The following FHIP2B variants were observed in gnomAD, a reference collection of about 807,000 sequenced individuals.
FHIP2B encodes the protein FHF complex subunit HOOK-interacting protein 2B.
Under a neutral mutation model 84.0 loss-of-function variants are expected in FHIP2B, and 72 were observed. The ratio of observed to expected loss-of-function variants is 0.86; its 90% CI spans 0.71 to 1.04. The LOEUF (loss-of-function observed/expected upper bound fraction) is 1.04, where lower values mean the gene tolerates loss of function less well. FHIP2B is among the 50% of genes least tolerant of loss of function. The probability of loss-of-function intolerance (pLI) is 0.00; values close to 1 mark genes in which losing one functional copy is unlikely to be tolerated. For synonymous variants in FHIP2B, 497 were observed against 418.7 expected, an observed-to-expected ratio of 1.19 and a Z score of -2.28; for missense variants, 972 against 968.9, an observed-to-expected ratio of 1.00 and a Z score of -0.04.
chr8:22,090,333 T>C (rs1053931750), intron 1 of FHIP2B, among the ~76,000 whole-genome samples: 5 of 152,156 alleles, frequency 3.3e-5, no homozygotes, highest in Admixed American at 6.5e-5. Flanking sequence ...CCAACCCTCA[T>C]GGGAGCTCCT....
rs199586618 is a variant in FHIP2B, at chr8:22,102,217, C to G, written c.1894C>G (p.Leu632Val). ...GCAGGTGACCTCGGTCCTGTCCCGG[C>G]TTGCCCTCTTCCCCCACCCCCATAT... ...NLQVTSVLSR[L>V]ALFPHPHIHE... The change falls in exon 15 of 17, where the codon CTT (leucine) becomes GTT (valine). Residue 632 changes from leucine to valine, a missense_variant. Physicochemically the swap from Leu to Val is conservative, Grantham distance 32. Coordinates refer to ENST00000289921, the MANE Select transcript of FHIP2B (RefSeq NM_022749.7). 3.2e-5 allele frequency: 52 copies of G among 1,613,532 alleles called. No homozygotes were observed. The African/African-American group carries it at 6.5e-4, about 20-fold the overall frequency.
Position 22,099,792 on chromosome 8 carries a change from G to A in FHIP2B, c.1240G>A (p.Ala414Thr), listed in dbSNP as rs780243916. Reference sequence around the variant, plus strand: ...CCCTGCGCTGCTGCGGGAGGCCGTGGCTTTCCTCCTGGGCACAGACCGGCA... The same window carrying A: ...CCCTGCGCTGCTGCGGGAGGCCGTGACTTTCCTCCTGGGCACAGACCGGCA... ...RSPALLREAV[A>T]FLLGTDRQPE... The change falls in exon 10 of 17, where the codon GCT becomes ACT. Residue 414 changes from alanine to threonine, a missense_variant. Transcript: ENST00000289921. 1 of 1,612,856 alleles carries A rather than the reference G, an allele frequency of 6.2e-7. No homozygotes were observed.
intron 1 of FHIP2B, chr8:22,089,941 C>G: frequency 1.1e-6 from 1 of 913,532 alleles, no homozygotes; most frequent in Non-Finnish European, 1.5e-6. Flanking sequence ...GCTGTGACCC[C>G]TCACAAGCCA....
At chr8:22,095,003 C>T in intron 2 of FHIP2B, 1 of 583,298 alleles carries the variant, frequency 1.7e-6, no homozygotes, top group Non-Finnish European at 2.2e-6. Flanking sequence ...GTCCCTCTCT[C>T]CAAGCTGACA....
chr8:22,100,918 T>C lies in FHIP2B; in HGVS notation c.1562T>C (p.Leu521Pro), dbSNP rs1432676600. 1 of 1,613,954 alleles carries C rather than the reference T, an allele frequency of 6.2e-7. No homozygotes were observed. Among genetic ancestry groups the C allele is most frequent in the Non-Finnish European group, 8.5e-7 (1 of 1,179,892 alleles). The change falls in exon 12 of 17, where the codon CTA (leucine) becomes CCA (proline). Residue 521 changes from leucine to proline, a missense_variant. Coordinates refer to ENST00000289921, the MANE Select transcript of FHIP2B (RefSeq NM_022749.7). Reference sequence around the variant, plus strand: ...TTTCAAACTCCCGCAAAGCCTCGCCTAGCTCCTGCTACCAGTTACGATGGC... The same window carrying C: ...TTTCAAACTCCCGCAAAGCCTCGCCCAGCTCCTGCTACCAGTTACGATGGC... Reference protein sequence around the residue: ...SGFQTPAKPRLAPATSYDGKT... With the variant: ...SGFQTPAKPRPAPATSYDGKT...
At chr8:22,089,686 T>A in intron 1 of FHIP2B, 4 of 1,050,794 alleles carry the variant, frequency 3.8e-6, no homozygotes, top group Non-Finnish European at 5.1e-6. Context: ...GCCTGCCTCC[T>A]TCCTCCGCTC....
At chr8:22,099,145 CA>C in intron 8 of FHIP2B, 89 bp downstream of exon 8, 3 of 1,495,536 alleles carry the variant, frequency 2.0e-6, no homozygotes, top group Non-Finnish European at 2.7e-6. Context: ...GACATGGAAA[CA>C]TGGGGTCCAG....
At chr8:22,094,557 G>A (rs979315886) in intron 2 of FHIP2B, 39 bp downstream of exon 2, 2 of 1,607,678 alleles carry the variant, frequency 1.2e-6, no homozygotes, top group South Asian at 1.1e-5. Flanking sequence ...ACCCTGGAGG[G>A]AGCGGGGAGG....
intron 14 of FHIP2B, 85 bp downstream of exon 14, chr8:22,101,936 C>G: frequency 1.3e-6 from 2 of 1,540,060 alleles, no homozygotes; most frequent in South Asian, 1.2e-5. Context: ...AGGGTTGCCT[C>G]TGCTTCGGTT....
chr8:22,096,170 T>C (rs574671852), intron 2 of FHIP2B, 167 bp from the exon 3 acceptor site: 2 of 636,568 alleles, frequency 3.1e-6, no homozygotes, highest in South Asian at 2.3e-5. Context: ...TTCTTAAATA[T>C]TGAAGCATTC....
intron 1 of FHIP2B, among the ~76,000 whole-genome samples, chr8:22,093,708 CTTTTTTTTTTTTT>C (rs59841460): frequency 2.9e-4 from 19 of 66,456 alleles, no homozygotes; most frequent in African/African-American, 1.1e-3. Flanking sequence ...AAAGCTTTGT[CTTTTTTTTTTTTT>C]TTTTTTTTTT....
intron 1 of FHIP2B, among the ~76,000 whole-genome samples, chr8:22,093,708 C>CCTTTT (rs1825615218): frequency 1.5e-5 from 1 of 66,462 alleles, no homozygotes; most frequent in Non-Finnish European, 2.6e-5. Flanking sequence ...AAAGCTTTGT[C>CCTTTT]TTTTTTTTTT....
chr8:22,102,398 GCTGGAGGGGT>G, intron 15 of FHIP2B, 83 bp downstream of exon 15: 10 of 1,450,568 alleles, frequency 6.9e-6, no homozygotes, highest in South Asian at 1.3e-5. Flanking sequence ...GTGGTTGGGG[GCTGGAGGGGT>G]GGGCACCCTT....
intron 1 of FHIP2B, among the ~76,000 whole-genome samples, chr8:22,090,096 G>C (rs529258108): frequency 2.1e-5 from 3 of 142,042 alleles, no homozygotes; most frequent in African/African-American, 7.9e-5. Flanking sequence ...CTACTACTAG[G>C]GTTCGTTCAG....
At chr8:22,094,393 C>G in intron 1 of FHIP2B, 47 bp from the exon 2 acceptor site, 1 of 1,547,108 alleles carries the variant, frequency 6.5e-7, no homozygotes, top group African/African-American at 1.4e-5. Context: ...GCAGGGGCTC[C>G]CTGGCCTTTG....
intron 14 of FHIP2B, 159 bp downstream of exon 14, chr8:22,102,010 C>G (rs1286493410): frequency 6.6e-7 from 1 of 1,513,580 alleles, no homozygotes; most frequent in African/African-American, 1.4e-5. Context: ...CTCCACACGT[C>G]CTAACACGTT....
chr8:22,099,809 A>C lies in FHIP2B; in HGVS notation c.1257A>C (p.Thr419=), dbSNP rs1454410661. ...LREAVAFLLG[T]DRQPEAPGDN... ...AGGCCGTGGCTTTCCTCCTGGGCAC[A>C]GACCGGCAGCCTGAAGCCCCCGGGG... Residue 419 remains threonine (T), a synonymous_variant, in exon 10 of 17, where the codon ACA becomes ACC. Coordinates refer to ENST00000289921, the MANE Select transcript of FHIP2B (RefSeq NM_022749.7). The C allele has an allele frequency of 6.2e-7, 1 of 1,612,988 alleles. No homozygotes were observed. Among genetic ancestry groups the C allele is most frequent in the South Asian group, 1.1e-5 (1 of 91,008 alleles).
intron 1 of FHIP2B, among the ~76,000 whole-genome samples, chr8:22,090,705 G>A (rs1825445352): frequency 6.6e-6 from 1 of 152,100 alleles, no homozygotes; most frequent in South Asian, 2.1e-4. Flanking sequence ...GCTCATTGCA[G>A]CCTCCACCTC....
chr8:22,098,100 C>T lies in FHIP2B; in HGVS notation c.558C>T (p.Cys186=), dbSNP rs59684172. 9,884 of 1,590,610 alleles carry T rather than the reference C, an allele frequency of 6.2e-3. 307 individuals carry two copies. The African/African-American group carries it at 0.086, about 14-fold the overall frequency. The change falls in exon 6 of 17, where the codon TGC becomes TGT. Residue 186 remains cysteine (C), a synonymous_variant. Coordinates refer to ENST00000289921, the MANE Select transcript of FHIP2B (RefSeq NM_022749.7). ...AGATTGTAGGTAGGAAGAAAGCATG[C>T]GGAGAACCCACTGCCCTGCCTAAGG... ...GKKIVGRKKA[C]GEPTALPKDT...
Sources: gnomAD v4.1 joint callset for allele counts (sites outside exome capture counted in the v4.1 genomes callset) on GRCh38, gnomAD v4.1.1 for gene constraint, MANE v1.5 for transcripts, NCBI Gene and HGNC (gene_info 2026-07-23, HGNC 2026-07-21) for gene names.